DGKD: variants seen among roughly 807,000 people sequenced by gnomAD.
DGKD encodes the protein DAG kinase delta.
A neutral mutation model predicts 154.4 loss-of-function variants in DGKD; 68 were observed. That is an observed-to-expected ratio of 0.44 (90% confidence interval 0.36 to 0.54). The LOEUF (loss-of-function observed/expected upper bound fraction) is 0.54, where lower values mean the gene tolerates loss of function less well. Among genes scored for constraint, DGKD ranks in the 20% least tolerant of loss-of-function variants. The pLI is 0.00. For missense variants in DGKD, 1,343 were observed against 1,593.6 expected, an observed-to-expected ratio of 0.84 and a Z score of 2.68; for synonymous variants, 693 against 638.0, an observed-to-expected ratio of 1.09 and a Z score of -1.30.
intron 1 of DGKD, among the ~76,000 whole-genome samples, chr2:233,361,635 A>G (rs914013774): frequency 1.3e-5 from 2 of 152,218 alleles, no homozygotes; most frequent in African/African-American, 4.8e-5. Context: ...ACTAGAAACT[A>G]TGGAAAAGAA....
intron 3 of DGKD, among the ~76,000 whole-genome samples, chr2:233,402,158 A>G (rs1010364712): frequency 6.6e-6 from 1 of 152,022 alleles, no homozygotes; most frequent in Non-Finnish European, 1.5e-5. Flanking sequence ...TTTCCTCCTC[A>G]GGGAAGCCTT....
In DGKD at chr2:233,387,396, G is replaced by T. The variant is rs79298744; in HGVS notation, c.157-861G>T. On this transcript the variant is annotated intron_variant, in intron 1 of 29. Coordinates refer to ENST00000264057, the MANE Select transcript of DGKD (RefSeq NM_152879.3). The stretch of plus-strand genomic sequence containing the variant: ...GGATGTAACATAGTGTGCGAACGCC[G>T]AGAGCCAGGTTCTTGTCTTCATGCT... 7.3e-3 allele frequency among the ~76,000 whole-genome samples: 1,107 copies of T among 152,268 alleles called. 9 individuals carry two copies. The highest frequency in any genetic ancestry group is 0.025 in the African/African-American group (1,050 of 41,538).
chr2:233,458,249 T>C lies in DGKD; in HGVS notation c.2581-35T>C. On this transcript the variant is annotated intron_variant, in intron 21 of 29. Transcript: ENST00000264057. The surrounding 1 kb of genome is among the most constrained non-coding windows in gnomAD (Gnocchi z 6.6). ...GGGGCGGCCTGTGCTCGGGGATGTG[T>C]GGAGTGGTGGTCAGCTCTAACGTGT... The C allele has an allele frequency of 1.4e-6, 2 of 1,434,096 alleles. No homozygotes were observed. Among genetic ancestry groups the C allele is most frequent in the Non-Finnish European group, 2.0e-6 (2 of 1,020,824 alleles). The allele number at this position is 1,434,096 out of a possible 1,614,324, so 88.8% of individuals were successfully genotyped here.
rs34252378 is a variant in DGKD, at chr2:233,359,494, A to ATTT, written c.156+4833_156+4835dup. ...CTTTTGGTTATTTTTTGTCTTTCTG[A>ATTT]TTTTTTTTTTTTTTTATCCCAGATA... On this transcript the variant is annotated intron_variant, in intron 1 of 29. Coordinates refer to ENST00000264057, the MANE Select transcript of DGKD (RefSeq NM_152879.3). 3.4e-3 allele frequency among the ~76,000 whole-genome samples: 499 copies of ATTT among 145,024 alleles called. 11 individuals are homozygous for ATTT. In the East Asian group the frequency reaches 0.055, roughly 16 times the overall value.
At position 233,458,184 on chromosome 2, in the gene DGKD, G is replaced by C; in HGVS notation, c.2581-100G>C. ...GCAGTTACCTGGTAACTTCTCGCCA[G>C]CTAGGAGGGGCTGACCCCCAGAGGG... On this transcript the variant is annotated intron_variant, in intron 21 of 29. Coordinates refer to ENST00000264057, the MANE Select transcript of DGKD (RefSeq NM_152879.3). This position sits in a 1 kb window ranked among gnomAD's most constrained non-coding sequence, Gnocchi z 6.6. 1 of 695,522 alleles carries C rather than the reference G, an allele frequency of 1.4e-6. No homozygotes were observed. Among genetic ancestry groups the C allele is most frequent in the Non-Finnish European group, 2.5e-6 (1 of 405,196 alleles). 43.1% of individuals were successfully genotyped at this position (695,522 alleles called of 1,614,324 possible). A position where few individuals can be genotyped will look rare whatever the true frequency, so the allele number is the denominator to read the frequency against.
At chr2:233,420,710 C>G (rs1361275936) in intron 3 of DGKD, among the ~76,000 whole-genome samples, 3 of 152,228 alleles carry the variant, frequency 2.0e-5, no homozygotes, top group Admixed American at 6.5e-5. Flanking sequence ...ATTCCTGATT[C>G]CTGGAGTTAA....
chr2:233,374,207 T>C (rs770882652), intron 1 of DGKD, among the ~76,000 whole-genome samples: 4 of 152,024 alleles, frequency 2.6e-5, no homozygotes, highest in Non-Finnish European at 5.9e-5. Context: ...CCTGCTACGA[T>C]GCCTGGCTAG....
rs2063559797 is a variant in DGKD at position 233,459,615 on chromosome 2, C to T, written c.2695-142C>T. The T allele has an allele frequency of 3.6e-6, 4 of 1,108,658 alleles. No individual in the cohort carries two copies. The highest frequency in any genetic ancestry group is 5.0e-5 in the East Asian group (2 of 40,104). The allele number at this position is 1,108,658 out of a possible 1,614,324, so 68.7% of individuals were successfully genotyped here. On this transcript the variant is annotated intron_variant, in intron 22 of 29. Coordinates refer to ENST00000264057, the MANE Select transcript of DGKD (RefSeq NM_152879.3). The surrounding 1 kb of genome is among the most constrained non-coding windows in gnomAD (Gnocchi z 5.7). Reference sequence around the variant, plus strand: ...AGCAGAAGGCTAGCTGCAGGCGGAGCGCCATCCCAGAGGCAGAGGTGGGGT... The same window carrying T: ...AGCAGAAGGCTAGCTGCAGGCGGAGTGCCATCCCAGAGGCAGAGGTGGGGT...
chr2:233,391,143 C>A (rs908952195), intron 3 of DGKD, among the ~76,000 whole-genome samples: 1 of 151,830 alleles, frequency 6.6e-6, no homozygotes, highest in Non-Finnish European at 1.5e-5. Flanking sequence ...CCATAACAGC[C>A]ACCTCAAAAA....
intron 16 of DGKD, 102 bp from the exon 17 acceptor site, chr2:233,450,802 GCCTGTGGTTTGCAGCCCT>G (rs2063256788): frequency 3.9e-6 from 5 of 1,287,674 alleles, no homozygotes; most frequent in Non-Finnish European, 5.4e-6. Flanking sequence ...TCACGCAACT[GCCTGTGGTTTGCAGCCCT>G]CCCTCCTCAG....
At chr2:233,423,809 C>A (rs2062200052) in intron 3 of DGKD, among the ~76,000 whole-genome samples, 1 of 152,116 alleles carries the variant, frequency 6.6e-6, no homozygotes, top group African/African-American at 2.4e-5. Flanking sequence ...GCTTTCCACC[C>A]ACCCCCCCAG....
At chr2:233,367,729 G>A (rs1702097642) in intron 1 of DGKD, among the ~76,000 whole-genome samples, 3 of 152,084 alleles carry the variant, frequency 2.0e-5, no homozygotes, top group Non-Finnish European at 2.9e-5. Context: ...CCCTAAATAT[G>A]GAATGCTCTG....
At chr2:233,360,081 A>G (rs1417039625) in intron 1 of DGKD, among the ~76,000 whole-genome samples, 1 of 152,050 alleles carries the variant, frequency 6.6e-6, no homozygotes. Context: ...ATGATGCTGA[A>G]TTTCTGGACT....
chr2:233,439,606 A>G (rs2062822591), intron 9 of DGKD, among the ~76,000 whole-genome samples: 1 of 152,180 alleles, frequency 6.6e-6, no homozygotes. Flanking sequence ...TAGGTTACCC[A>G]GGCTGAGTAC....
chr2:233,453,051 A>G (rs1358363351), intron 18 of DGKD, among the ~76,000 whole-genome samples: 1 of 152,184 alleles, frequency 6.6e-6, no homozygotes, highest in Admixed American at 6.5e-5. Flanking sequence ...TGGGGAGGCC[A>G]GAGCTGTAGT....
intron 3 of DGKD, among the ~76,000 whole-genome samples, chr2:233,431,604 G>A (rs760908322): frequency 3.9e-5 from 6 of 152,146 alleles, no homozygotes; most frequent in African/African-American, 7.2e-5. Context: ...CCCAAACGGC[G>A]TGGTACTGGC....
intron 7 of DGKD, among the ~76,000 whole-genome samples, chr2:233,436,704 C>A (rs2062709250): frequency 6.6e-6 from 1 of 152,272 alleles, no homozygotes; most frequent in Non-Finnish European, 1.5e-5. Flanking sequence ...CATCATGCGG[C>A]ACTGTAGCCG....
At chr2:233,373,692 T>C (rs530668427) in intron 1 of DGKD, among the ~76,000 whole-genome samples, 3 of 152,364 alleles carry the variant, frequency 2.0e-5, no homozygotes, top group African/African-American at 7.2e-5. Flanking sequence ...GACTTAATTA[T>C]GTTCCCCCTT....
At position 233,470,398 on chromosome 2, in the gene DGKD, A is replaced by T. The variant is rs758721633; in HGVS notation, c.*938A>T. 1 of 152,122 alleles carries T rather than the reference A, an allele frequency of 6.6e-6. No homozygotes were observed. The highest frequency in any genetic ancestry group is 1.5e-5 in the Non-Finnish European group (1 of 67,996). 9.4% of individuals were successfully genotyped at this position (152,122 alleles called of 1,614,324 possible). A position where few individuals can be genotyped will look rare whatever the true frequency, so the allele number is the denominator to read the frequency against. On this transcript the variant is annotated 3_prime_UTR_variant, in exon 30 of 30. Coordinates refer to ENST00000264057, the MANE Select transcript of DGKD (RefSeq NM_152879.3). The stretch of plus-strand genomic sequence containing the variant: ...GCCCTGGTGGGCCAGGGGTGGTTTG[A>T]CCTCTTCAGCCCGTCCGGTGGCCTG...
Sources: gnomAD v4.1 joint callset for allele counts (sites outside exome capture counted in the v4.1 genomes callset) on GRCh38, gnomAD v4.1.1 for gene constraint, Gnocchi (gnomAD v3.1) non-coding constraint, MANE v1.5 for transcripts, NCBI Gene and HGNC (gene_info 2026-07-23, HGNC 2026-07-21) for gene names.